ZNF572: variants seen among roughly 807,000 people sequenced by gnomAD.
ZNF572 encodes the protein zinc finger protein 572.
ZNF572 carries 2 observed loss-of-function variants against 3.8 expected under a neutral mutation model. The observed-to-expected ratio is 0.52, with a 90% confidence interval of 0.21 to 1.65. The LOEUF is 1.65. Ranked by LOEUF, ZNF572 falls within the 40% of genes most tolerant of loss-of-function variation. The pLI is 0.20. For synonymous variants in ZNF572, 187 were observed against 204.5 expected, an observed-to-expected ratio of 0.91 and a Z score of 0.73; for missense variants, 581 against 633.4, an observed-to-expected ratio of 0.92 and a Z score of 0.89.
chr8:124,977,209 C>T lies in ZNF572; in HGVS notation c.941C>T (p.Thr314Ile). 1 of 1,612,038 alleles carries T rather than the reference C, an allele frequency of 6.2e-7. No homozygotes were observed. The highest frequency in any genetic ancestry group is 8.5e-7 in the Non-Finnish European group (1 of 1,180,014). The stretch of plus-strand genomic sequence containing the variant: ...GAAAAAAGCTTTGGTTGTAATTCTA[C>T]TCTAATAAAACATCAGAGAATACAT... The part of the protein sequence containing the change: ...ECEKSFGCNS[T>I]LIKHQRIHTG... The change falls in exon 3 of 3, where the codon ACT (threonine) becomes ATT (isoleucine). Residue 314 changes from threonine (T) to isoleucine (I), a missense_variant. Coordinates refer to ENST00000319286, the MANE Select transcript of ZNF572 (RefSeq NM_152412.3).
Position 124,977,795 on chromosome 8 carries a change from G to C in ZNF572, c.1527G>C (p.Trp509Cys), listed in dbSNP as rs1814530752. The change falls in exon 3 of 3, where the codon TGG (tryptophan) becomes TGC (cysteine). Residue 509 changes from tryptophan to cysteine, a missense_variant. Transcript: ENST00000319286. ...DVGDFPHEWT[W>C]KNCSGEMPFI... ...GGGATTTTCCTCATGAATGGACTTG[G>C]AAAAACTGTTCAGGGGAAATGCCCT... is the stretch of plus-strand genomic sequence containing the variant. The C allele has an allele frequency of 6.2e-7, 1 of 1,613,182 alleles. No homozygotes were observed.
Position 124,976,736 on chromosome 8 carries a change from A to G in ZNF572, c.468A>G (p.Gly156=). 6.2e-7 allele frequency: 1 copy of G among 1,614,222 alleles called. No individual in the cohort carries two copies. Among genetic ancestry groups the G allele is most frequent in the Non-Finnish European group, 8.5e-7 (1 of 1,180,022 alleles). The change falls in exon 3 of 3, where the codon GGA becomes GGG. Residue 156 remains glycine, a synonymous_variant. Transcript: ENST00000319286. ...HLRTHQRTHS[G]EKPYKCSECA... is the part of the protein sequence containing the mutation. ...GTACTCACCAGAGGACCCACTCAGGAGAAAAGCCTTATAAATGCTCTGAGT... is the reference window on the plus strand; with the variant it reads ...GTACTCACCAGAGGACCCACTCAGGGGAAAAGCCTTATAAATGCTCTGAGT...
At chr8:124,974,664 C>T (rs990599474) in intron 1 of ZNF572, among the ~76,000 whole-genome samples, 2 of 152,020 alleles carry the variant, frequency 1.3e-5, no homozygotes, top group Admixed American at 6.5e-5. Context: ...TGTGATAGAT[C>T]ACATTTTCTT....
Position 124,976,725 on chromosome 8 carries a change from A to G in ZNF572, c.457A>G (p.Thr153Ala), listed in dbSNP as rs1814511392. 1 of 1,614,190 alleles carries G rather than the reference A, an allele frequency of 6.2e-7. No individual in the cohort carries two copies. Among genetic ancestry groups the G allele is most frequent in the Non-Finnish European group, 8.5e-7 (1 of 1,180,014 alleles). Residue 153 changes from threonine to alanine, a missense_variant, in exon 3 of 3, where the codon ACC becomes GCC. Transcript: ENST00000319286. ...NSSHLRTHQR[T>A]HSGEKPYKCS... ...TTCTCATTTGCGTACTCACCAGAGG[A>G]CCCACTCAGGAGAAAAGCCTTATAA...
chr8:124,974,442 GAATT>G (rs1411073342), intron 1 of ZNF572, among the ~76,000 whole-genome samples: 8 of 152,290 alleles, frequency 5.3e-5, no homozygotes, highest in Admixed American at 5.2e-4. Flanking sequence ...GCTACTGTAA[GAATT>G]AAATGACAAA....
intron 1 of ZNF572, among the ~76,000 whole-genome samples, chr8:124,975,236 A>G (rs556306127): frequency 6.6e-6 from 1 of 152,176 alleles, no homozygotes; most frequent in African/African-American, 2.4e-5. Context: ...CTTCATATTG[A>G]TTCCTTGAAG....
Position 124,977,341 on chromosome 8 carries a change from G to A in ZNF572, c.1073G>A (p.Ser358Asn). 1 of 1,614,214 alleles carries A rather than the reference G, an allele frequency of 6.2e-7. No homozygotes were observed. Among genetic ancestry groups the A allele is most frequent in the Non-Finnish European group, 8.5e-7 (1 of 1,180,042 alleles). The change falls in exon 3 of 3, where the codon AGT (serine) becomes AAT (asparagine). Residue 358 changes from serine (S) to asparagine (N), a missense_variant. Transcript: ENST00000319286. ...CACACAGGAGAGAAATCCTATGAAA[G>A]TTCTGAATATGAGGAAAGTTTGGGT... ...KMHTGEKSYESSEYEESLGQN... is the reference protein window; with the variant it reads ...KMHTGEKSYENSEYEESLGQN...
Position 124,977,248 on chromosome 8 carries a change from C to T in ZNF572, c.980C>T (p.Pro327Leu). 2 of 1,613,590 alleles carry T rather than the reference C, an allele frequency of 1.2e-6. No individual in the cohort carries two copies. The highest frequency in any genetic ancestry group is 1.7e-6 in the Non-Finnish European group (2 of 1,180,018). ...CAGAGAATACATACAGGAGAAAAGC[C>T]TTATCAATGTCCAGAATGTGGGAAG... is the stretch of plus-strand genomic sequence containing the variant. ...KHQRIHTGEK[P>L]YQCPECGKNF... The change falls in exon 3 of 3, where the codon CCT becomes CTT. Residue 327 changes from proline (P) to leucine (L), a missense_variant. Transcript: ENST00000319286.
chr8:124,974,853 G>A (rs1389030478), intron 1 of ZNF572, among the ~76,000 whole-genome samples: 1 of 151,914 alleles, frequency 6.6e-6, no homozygotes, highest in East Asian at 1.9e-4. Flanking sequence ...CACCACACCC[G>A]GCTAATTTTT....
Position 124,977,159 on chromosome 8 carries a change from G to A in ZNF572, c.891G>A (p.Glu297=), listed in dbSNP as rs148366492. The change falls in exon 3 of 3, where the codon GAG becomes GAA. Residue 297 remains glutamate, a synonymous_variant. Coordinates refer to ENST00000319286, the MANE Select transcript of ZNF572 (RefSeq NM_152412.3). ...LIRHQRTHTG[E]KPYKCLECEK... ...GCCACCAGCGGACACACACAGGTGA[G>A]AAGCCCTACAAATGTCTTGAGTGTG... 5.5e-5 allele frequency: 88 copies of A among 1,609,308 alleles called. 1 individual carries two copies. The Middle Eastern group carries it at 6.6e-4, about 12-fold the overall frequency.
rs1283234189 is a variant in ZNF572 at position 124,976,909 on chromosome 8, A to C, written c.641A>C (p.Lys214Thr). The change falls in exon 3 of 3, where the codon AAA becomes ACA. Residue 214 changes from lysine (K) to threonine (T), a missense_variant. Coordinates refer to ENST00000319286, the MANE Select transcript of ZNF572 (RefSeq NM_152412.3). ...CATGAGAGAACTCACACGGGAGAGA[A>C]ACCCTACAAATGTCCCGAGTGTGGG... is the stretch of plus-strand genomic sequence containing the variant. ...IIHERTHTGE[K>T]PYKCPECGKR... 1.9e-6 allele frequency: 3 copies of C among 1,614,000 alleles called. No homozygotes were observed. Among genetic ancestry groups the C allele is most frequent in the African/African-American group, 2.7e-5 (2 of 74,890 alleles).
intron 2 of ZNF572, 74 bp from the exon 3 acceptor site, chr8:124,976,274 T>A (rs1429131756): frequency 4.5e-6 from 6 of 1,322,122 alleles, no homozygotes; most frequent in Non-Finnish European, 5.2e-6. Context: ...ATTTCCTCTC[T>A]TCCACTGCAA....
chr8:124,974,351 C>G (rs1210028218), intron 1 of ZNF572, among the ~76,000 whole-genome samples: 6 of 152,224 alleles, frequency 3.9e-5, no homozygotes, highest in Non-Finnish European at 7.3e-5. Flanking sequence ...CTACCACTTT[C>G]TAGGTGACCT....
rs73706182 is a variant in ZNF572 at position 124,979,284 on chromosome 8, G to A, written c.*1426G>A. The A allele has an allele frequency of 0.078, 11,833 of 152,578 alleles. 895 individuals are homozygous for A. The highest frequency in any genetic ancestry group is 0.2 in the African/African-American group (8,199 of 41,476). 9.5% of individuals were successfully genotyped at this position (152,578 alleles called of 1,614,324 possible). ...CTGATGGTCATTTAATTGCATGGGG[G>A]TTATTTTATCTTTCATGATTGTGGT... On this transcript the variant is annotated 3_prime_UTR_variant, in exon 3 of 3. Transcript: ENST00000319286.
rs1307836408 is a variant in ZNF572 at position 124,976,797 on chromosome 8, C to G, written c.529C>G (p.Gln177Glu). ...KCFCNSSHLI[Q>E]HLRMHTGEKP... Reference sequence around the variant, plus strand: ...TTTTTGTAACAGTTCTCACCTGATTCAGCATCTAAGAATGCACACAGGAGA... The same window carrying G: ...TTTTTGTAACAGTTCTCACCTGATTGAGCATCTAAGAATGCACACAGGAGA... Residue 177 changes from glutamine (Q) to glutamate (E), a missense_variant, in exon 3 of 3, where the codon CAG becomes GAG. Physicochemically the swap from Gln to Glu is conservative, Grantham distance 29. Transcript: ENST00000319286. The G allele has an allele frequency of 1.9e-6, 3 of 1,614,050 alleles. No individual in the cohort carries two copies. In the African/African-American group the frequency reaches 4.0e-5, roughly 22 times the overall value.
In ZNF572 at chr8:124,977,635, T is replaced by C; in HGVS notation, c.1367T>C (p.Ile456Thr). 6.2e-7 allele frequency: 1 copy of C among 1,614,180 alleles called. No homozygotes were observed. The highest frequency in any genetic ancestry group is 8.5e-7 in the Non-Finnish European group (1 of 1,180,018). The change falls in exon 3 of 3, where the codon ATC becomes ACC. Residue 456 changes from isoleucine (I) to threonine (T), a missense_variant. Transcript: ENST00000319286. ...AGCTTCAGTCAGAGCTTTAACCTTA[T>C]CAGGCACCGGAGGACCCACATAGGG... ...GESFSQSFNL[I>T]RHRRTHIGEK...
chr8:124,977,896 G>T lies in ZNF572; in HGVS notation c.*38G>T. The T allele has an allele frequency of 1.3e-6, 2 of 1,520,190 alleles. No individual in the cohort carries two copies. The highest frequency in any genetic ancestry group is 1.8e-6 in the Non-Finnish European group (2 of 1,136,020). The allele number at this position is 1,520,190 out of a possible 1,614,324, so 94.2% of individuals were successfully genotyped here. ...GGTTGGTGATGGTTTTTTCTTCCTT[G>T]TTGGACCATGACAATTTAGGTATTC... On this transcript the variant is annotated 3_prime_UTR_variant, in exon 3 of 3. Coordinates refer to ENST00000319286, the MANE Select transcript of ZNF572 (RefSeq NM_152412.3).
chr8:124,976,812 C>T lies in ZNF572; in HGVS notation c.544C>T (p.His182Tyr), dbSNP rs1288624754. 3 of 1,614,158 alleles carry T rather than the reference C, an allele frequency of 1.9e-6. No homozygotes were observed. The highest frequency in any genetic ancestry group is 1.7e-6 in the Non-Finnish European group (2 of 1,180,018). Residue 182 changes from histidine to tyrosine, a missense_variant, in exon 3 of 3, where the codon CAC becomes TAC. His to Tyr is a moderately conservative substitution (Grantham distance 83). Transcript: ENST00000319286. ...SSHLIQHLRM[H>Y]TGEKPYQCGE... The stretch of plus-strand genomic sequence containing the variant: ...TCACCTGATTCAGCATCTAAGAATG[C>T]ACACAGGAGAGAAGCCCTACCAGTG...
intron 1 of ZNF572, among the ~76,000 whole-genome samples, chr8:124,974,505 G>A (rs948854464): frequency 1.3e-5 from 2 of 152,142 alleles, no homozygotes; most frequent in African/African-American, 4.8e-5. Flanking sequence ...AGGCAGTAAT[G>A]GTGAAGATAC....
Sources: gnomAD v4.1 joint callset for allele counts (sites outside exome capture counted in the v4.1 genomes callset) on GRCh38, gnomAD v4.1.1 for gene constraint, MANE v1.5 for transcripts, NCBI Gene and HGNC (gene_info 2026-07-23, HGNC 2026-07-21) for gene names.